The following PLXDC2 variants were observed in gnomAD, a reference collection of about 807,000 sequenced individuals.
The protein encoded by PLXDC2 is plexin domain-containing protein 2.
PLXDC2 carries 40 observed loss-of-function variants against 68.9 expected under a neutral mutation model. The observed-to-expected ratio is 0.58, with a 90% CI of 0.45 to 0.76. The LOEUF is 0.76. Among genes scored for constraint, PLXDC2 ranks in the 30% least tolerant of loss-of-function variants. The probability of loss-of-function intolerance (pLI) is 0.00; values close to 1 mark genes in which losing one functional copy is unlikely to be tolerated. For missense variants in PLXDC2, 644 were observed against 661.9 expected, an observed-to-expected ratio of 0.97 and a Z score of 0.30; for synonymous variants, 243 against 234.2, an observed-to-expected ratio of 1.04 and a Z score of -0.34.
chr10:19,930,835 T>C (rs1225997078), intron 1 of PLXDC2, among the ~76,000 whole-genome samples: 1 of 151,838 alleles, frequency 6.6e-6, no homozygotes, highest in Admixed American at 6.6e-5. Flanking sequence ...TGGTTGCAGG[T>C]GCTTGCAATC....
intron 4 of PLXDC2, among the ~76,000 whole-genome samples, chr10:20,102,453 A>G (rs1186133983): frequency 1.3e-5 from 2 of 152,230 alleles, no homozygotes; most frequent in Non-Finnish European, 2.9e-5. Flanking sequence ...CCCTTAGTCC[A>G]TAAATCTAAT....
chr10:19,911,413 C>CCTTAGTTGTCTCATTCAA (rs562821091), intron 1 of PLXDC2, among the ~76,000 whole-genome samples: 92 of 152,256 alleles, frequency 6.0e-4, no homozygotes, highest in African/African-American at 2.2e-3. Context: ...AATAAAACCT[C>CCTTAGTTGTCTCATTCAA]CTTAGTTGTC....
chr10:20,195,207 A>C (rs1488911319), intron 9 of PLXDC2, among the ~76,000 whole-genome samples: 1 of 152,214 alleles, frequency 6.6e-6, no homozygotes, highest in South Asian at 2.1e-4. Context: ...CTCACAGCCA[A>C]GTCTATCTCT....
chr10:20,086,687 T>A (rs767817454), intron 4 of PLXDC2, among the ~76,000 whole-genome samples: 2 of 152,152 alleles, frequency 1.3e-5, no homozygotes, highest in African/African-American at 2.4e-5. Context: ...AGGTTTTCTT[T>A]TTCCTCCCCT....
intron 2 of PLXDC2, among the ~76,000 whole-genome samples, chr10:20,046,285 C>A (rs1349115257): frequency 6.6e-6 from 1 of 151,882 alleles, no homozygotes; most frequent in African/African-American, 2.4e-5. Flanking sequence ...GTATATTTAA[C>A]AATTTCCTCT....
At chr10:20,045,550 A>C (rs1835783526) in intron 2 of PLXDC2, among the ~76,000 whole-genome samples, 1 of 152,136 alleles carries the variant, frequency 6.6e-6, no homozygotes, top group Admixed American at 6.6e-5. Context: ...TCTCTCTTTT[A>C]GTCATGAGGC....
chr10:19,867,877 C>T (rs547898088), intron 1 of PLXDC2, among the ~76,000 whole-genome samples: 2 of 152,142 alleles, frequency 1.3e-5, no homozygotes, highest in South Asian at 4.2e-4. Context: ...AGAAGGAGAG[C>T]CTCTCTGAAA....
chr10:19,906,220 GTTA>G (rs536442590), intron 1 of PLXDC2, among the ~76,000 whole-genome samples: 145 of 152,218 alleles, frequency 9.5e-4, no homozygotes, highest in African/African-American at 2.5e-3. Flanking sequence ...TAAGATGTGT[GTTA>G]TTATTATTCA....
chr10:20,227,478 G>T (rs1288196865), intron 12 of PLXDC2, among the ~76,000 whole-genome samples: 1 of 152,116 alleles, frequency 6.6e-6, no homozygotes, highest in Non-Finnish European at 1.5e-5. Context: ...AGGTTCAGAA[G>T]CATGAAACAT....
chr10:20,036,074 A>G (rs1835572434), intron 2 of PLXDC2, among the ~76,000 whole-genome samples: 1 of 152,194 alleles, frequency 6.6e-6, no homozygotes, highest in East Asian at 1.9e-4. Context: ...AAAGTAATAT[A>G]TCTGGCATCT....
At chr10:19,929,297 A>C (rs965175508) in intron 1 of PLXDC2, among the ~76,000 whole-genome samples, 1 of 152,118 alleles carries the variant, frequency 6.6e-6, no homozygotes, top group Non-Finnish European at 1.5e-5. Context: ...GGGGAACTCA[A>C]ATGGGACCAG....
At chr10:19,982,297 A>G (rs1665529627) in intron 1 of PLXDC2, among the ~76,000 whole-genome samples, 1 of 152,212 alleles carries the variant, frequency 6.6e-6, no homozygotes, top group African/African-American at 2.4e-5. Context: ...GTCCCGTGTG[A>G]CTGATTGGTG....
intron 4 of PLXDC2, among the ~76,000 whole-genome samples, chr10:20,127,086 GA>G (rs1290871030): frequency 2.0e-5 from 3 of 151,476 alleles, no homozygotes; most frequent in African/African-American, 4.8e-5. Context: ...TATTTGGGTG[GA>G]AAAAAAAGAA....
chr10:19,873,949 G>A (rs1191308602), intron 1 of PLXDC2, among the ~76,000 whole-genome samples: 1 of 152,092 alleles, frequency 6.6e-6, no homozygotes, highest in Admixed American at 6.5e-5. Context: ...TTTTCTTTAT[G>A]TTGAGGCCAG....
chr10:20,067,888 G>C (rs1330579217), intron 3 of PLXDC2, among the ~76,000 whole-genome samples: 1 of 152,034 alleles, frequency 6.6e-6, no homozygotes, highest in East Asian at 1.9e-4. Flanking sequence ...AAACTAAAAA[G>C]AACCTCAGAA....
chr10:19,837,736 G>A (rs1373528863), intron 1 of PLXDC2, among the ~76,000 whole-genome samples: 1 of 152,122 alleles, frequency 6.6e-6, no homozygotes, highest in Non-Finnish European at 1.5e-5. Context: ...TGCAGTGATC[G>A]TTCAGTTTGT....
chr10:19,998,321 C>A (rs1027825260), intron 1 of PLXDC2, among the ~76,000 whole-genome samples: 1 of 152,098 alleles, frequency 6.6e-6, no homozygotes, highest in African/African-American at 2.4e-5. Context: ...TCTGATTATC[C>A]TGTCTTTATT....
chr10:20,176,923 A>G (rs139765873), intron 7 of PLXDC2, 76 bp from the exon 8 acceptor site: 10 of 1,053,646 alleles, frequency 9.5e-6, no homozygotes, highest in Non-Finnish European at 1.4e-5. Flanking sequence ...ATATAATTCT[A>G]TATCCATTAT....
chr10:19,954,614 A>G (rs1834039305), intron 1 of PLXDC2, among the ~76,000 whole-genome samples: 1 of 152,220 alleles, frequency 6.6e-6, no homozygotes, highest in South Asian at 2.1e-4. Context: ...TTTAATTTAA[A>G]TGAATTATTT....
Sources: gnomAD v4.1 joint callset for allele counts (sites outside exome capture counted in the v4.1 genomes callset) on GRCh38, gnomAD v4.1.1 for gene constraint, MANE v1.5 for transcripts, NCBI Gene and HGNC (gene_info 2026-07-23, HGNC 2026-07-21) for gene names.